EYA1: variants seen among roughly 807,000 people sequenced by gnomAD.
EYA1 encodes the protein EYA transcriptional coactivator and phosphatase 1, also known as protein phosphatase EYA1.
In EYA1, 16 loss-of-function variants were observed where a neutral mutation model predicts 82.0. The observed-to-expected ratio is 0.20, with a 90% CI of 0.13 to 0.30. EYA1 has a LOEUF of 0.30. Among genes scored for constraint, EYA1 ranks in the 10% least tolerant of loss-of-function variants. EYA1 has a pLI of 1.00. For missense variants in EYA1, 633 were observed against 730.7 expected (o/e 0.87, Z 1.54); for synonymous variants, 261 against 264.4 (o/e 0.99, Z 0.12).
chr8:71,514,184 T>A (rs561802308), intron 2 of EYA1, among the ~76,000 whole-genome samples: 3 of 152,262 alleles, frequency 2.0e-5, no homozygotes, highest in Middle Eastern at 3.4e-3. Flanking sequence ...GGGAGCTCTA[T>A]TTTTAGTTAA....
chr8:71,458,655 T>C (rs1808138730), intron 2 of EYA1, among the ~76,000 whole-genome samples: 1 of 152,166 alleles, frequency 6.6e-6, no homozygotes, highest in African/African-American at 2.4e-5. Flanking sequence ...AAGAAAGTGA[T>C]GTTAAAAGGG....
At position 71,448,025 on chromosome 8, in the gene EYA1, T is replaced by TTTTTTAGGTAACGGAG. The variant is rs935912194; in HGVS notation, c.33+87718_33+87719insCTCCGTTACCTAAAAA. On this transcript the variant is annotated intron_variant, in intron 2 of 18. Coordinates refer to the EYA1 transcript ENST00000643681. ...GTTTAAGAGCTTTTTTTTTTTTTTT[T>TTTTTTAGGTAACGGAG]TCTCGCTCCGTTGCCCAGGCTGCAG... is the stretch of plus-strand genomic sequence containing the variant. Among the ~76,000 whole-genome samples, 7 of 116,740 alleles carry TTTTTTAGGTAACGGAG rather than the reference T, an allele frequency of 6.0e-5. 1 individual carries two copies. The highest frequency in any genetic ancestry group is 1.2e-4 in the Non-Finnish European group (7 of 59,224). The allele number at this position is 116,740 out of a possible 152,430, so 76.6% of individuals were successfully genotyped here. A position where few individuals can be genotyped will look rare whatever the true frequency, so the allele number is the denominator to read the frequency against.
At chr8:71,292,223 C>T (rs547828354) in intron 9 of EYA1, among the ~76,000 whole-genome samples, 3 of 152,128 alleles carry the variant, frequency 2.0e-5, no homozygotes, top group South Asian at 2.1e-4. Context: ...AAGATGATAA[C>T]TTACTCTATA....
intron 17 of EYA1, among the ~76,000 whole-genome samples, chr8:71,202,592 T>C (rs993488291): frequency 1.3e-5 from 2 of 152,080 alleles, no homozygotes; most frequent in Non-Finnish European, 2.9e-5. Flanking sequence ...AGACAACTCA[T>C]CACAATGCAG....
intron 1 of EYA1, chr8:71,356,729 G>A (rs1194490711): frequency 8.1e-7 from 1 of 1,227,262 alleles, no homozygotes; most frequent in Non-Finnish European, 1.0e-6. Context: ...TTGTCAGGGG[G>A]GGAAGGCAGC....
chr8:71,477,882 T>G (rs1047884448), intron 2 of EYA1, among the ~76,000 whole-genome samples: 4 of 152,192 alleles, frequency 2.6e-5, no homozygotes, highest in Non-Finnish European at 5.9e-5. Context: ...TACAATGGAA[T>G]ATTATTCAGC....
chr8:71,348,987 G>A (rs552389155), intron 3 of EYA1, among the ~76,000 whole-genome samples: 6 of 152,106 alleles, frequency 3.9e-5, no homozygotes, highest in Admixed American at 1.3e-4. Flanking sequence ...CAGTAACACC[G>A]CCCCAATCCA....
At chr8:71,545,402 T>C (rs1055443388) in intron 1 of EYA1, among the ~76,000 whole-genome samples, 1 of 152,170 alleles carries the variant, frequency 6.6e-6, no homozygotes, top group African/African-American at 2.4e-5. Context: ...TTAGACACTT[T>C]CAGGCATTGC....
intron 2 of EYA1, among the ~76,000 whole-genome samples, chr8:71,393,467 C>A (rs961414693): frequency 6.6e-6 from 1 of 152,094 alleles, no homozygotes; most frequent in Non-Finnish European, 1.5e-5. Context: ...CACGACAGTC[C>A]CCAGTGTGTG....
intron 7 of EYA1, among the ~76,000 whole-genome samples, chr8:71,313,495 T>C (rs551854500): frequency 1.6e-4 from 25 of 152,138 alleles, no homozygotes; most frequent in Non-Finnish European, 3.4e-4. Flanking sequence ...ATAATAGTAA[T>C]CACATCACCA....
At chr8:71,291,815 T>C (rs987570220) in intron 9 of EYA1, among the ~76,000 whole-genome samples, 2 of 152,184 alleles carry the variant, frequency 1.3e-5, no homozygotes, top group African/African-American at 4.8e-5. Context: ...GAACAAATAG[T>C]ACCTATCTCA....
At chr8:71,203,233 T>C (rs538491748) in intron 17 of EYA1, among the ~76,000 whole-genome samples, 1 of 152,272 alleles carries the variant, frequency 6.6e-6, no homozygotes, top group African/African-American at 2.4e-5. Context: ...TCAGGGTTGC[T>C]TCTAGGTCAA....
At chr8:71,456,286 T>C (rs1434194601) in intron 2 of EYA1, among the ~76,000 whole-genome samples, 1 of 152,202 alleles carries the variant, frequency 6.6e-6, no homozygotes, top group Non-Finnish European at 1.5e-5. Context: ...GAACATTCCA[T>C]GCTCATGGAT....
chr8:71,388,534 G>A (rs191859274), intron 2 of EYA1, among the ~76,000 whole-genome samples: 43 of 152,292 alleles, frequency 2.8e-4, no homozygotes, highest in Admixed American at 2.0e-3. Context: ...GAAGAGATCC[G>A]AGGACCTTTC....
chr8:71,535,707 T>A (rs1814659093), intron 2 of EYA1: 1 of 1,455,384 alleles, frequency 6.9e-7, no homozygotes, highest in African/African-American at 1.4e-5. Context: ...TTAAAAGTAA[T>A]AATTCTTTCC....
chr8:71,228,354 A>C (rs1252602963), intron 12 of EYA1, among the ~76,000 whole-genome samples: 1 of 152,146 alleles, frequency 6.6e-6, no homozygotes, highest in Non-Finnish European at 1.5e-5. Context: ...TGTGAACTGC[A>C]CTATGAGATA....
intron 9 of EYA1, among the ~76,000 whole-genome samples, chr8:71,280,519 G>A (rs963988640): frequency 6.6e-6 from 1 of 152,172 alleles, no homozygotes; most frequent in Non-Finnish European, 1.5e-5. Context: ...GCTGGCCAAG[G>A]TTCAACCTCT....
intron 4 of EYA1, among the ~76,000 whole-genome samples, chr8:71,330,761 T>G (rs1823744604): frequency 6.6e-6 from 1 of 152,186 alleles, no homozygotes; most frequent in African/African-American, 2.4e-5. Flanking sequence ...AATTTGAAAC[T>G]TGCAGAAAAG....
chr8:71,249,560 C>T (rs140943806), intron 11 of EYA1, among the ~76,000 whole-genome samples: 1,642 of 152,188 alleles, frequency 0.011, 12 homozygotes, highest in Non-Finnish European at 0.017. Flanking sequence ...TGGGTCCCTC[C>T]CATGACACAT....
Sources: gnomAD v4.1 joint callset for allele counts (sites outside exome capture counted in the v4.1 genomes callset) on GRCh38, gnomAD v4.1.1 for gene constraint, MANE v1.5 for transcripts, NCBI Gene and HGNC (gene_info 2026-07-23, HGNC 2026-07-21) for gene names.